AMZ1: variants seen among roughly 807,000 people sequenced by gnomAD.
The protein encoded by AMZ1 is archaelysin family metallopeptidase 1.
A neutral mutation model predicts 29.9 loss-of-function variants in AMZ1; 39 were observed. That is an observed-to-expected ratio of 1.30 (90% CI 1.01 to 1.70). The LOEUF (loss-of-function observed/expected upper bound fraction) is 1.70, where lower values mean the gene tolerates loss of function less well. AMZ1 is among the 40% of genes most tolerant of loss of function. AMZ1 has a pLI of 0.00. For missense variants in AMZ1, 1,041 were observed against 680.6 expected, an observed-to-expected ratio of 1.53 and a Z score of -5.89; for synonymous variants, 458 against 304.0, an observed-to-expected ratio of 1.51 and a Z score of -5.27.
intron 4 of AMZ1, among the ~76,000 whole-genome samples, chr7:2,757,290 A>T (rs1583245998): frequency 6.6e-6 from 1 of 151,496 alleles, no homozygotes; most frequent in South Asian, 2.1e-4. Flanking sequence ...GCCCGCCACC[A>T]TGCCCGGCTA....
chr7:2,735,347 A>T (rs554935590), intron 4 of AMZ1, among the ~76,000 whole-genome samples: 2 of 152,320 alleles, frequency 1.3e-5, no homozygotes, highest in South Asian at 4.1e-4. Context: ...GCACGAAGGA[A>T]GCAGAGGCAG....
intron 1 of AMZ1, among the ~76,000 whole-genome samples, chr7:2,690,509 G>A (rs183441658): frequency 2.0e-5 from 3 of 152,316 alleles, no homozygotes; most frequent in African/African-American, 7.2e-5. Flanking sequence ...ACATCCTGTT[G>A]ATCTTCCAGC....
At chr7:2,763,826 A>G (rs1048291261), upstream of AMZ1, among the ~76,000 whole-genome samples, 50 of 152,202 alleles carry the variant, frequency 3.3e-4, no homozygotes, top group African/African-American at 1.2e-3. Context: ...GGACCTCTGC[A>G]CTGAGATCCC....
At chr7:2,703,026 G>A (rs1788151627) in intron 3 of AMZ1, 137 bp downstream of exon 3, 2 of 1,283,910 alleles carry the variant, frequency 1.6e-6, no homozygotes, top group Non-Finnish European at 1.0e-6. Flanking sequence ...CAGGTGTTTG[G>A]GAAGCAGGAC....
intron 4 of AMZ1, among the ~76,000 whole-genome samples, chr7:2,725,134 GA>G (rs1363670179): frequency 2.4e-4 from 37 of 152,228 alleles, no homozygotes; most frequent in Non-Finnish European, 5.9e-5. Context: ...CTGTGAATGG[GA>G]AATTCAAACA....
chr7:2,720,732 G>A (rs1789385167), downstream of AMZ1, among the ~76,000 whole-genome samples: 1 of 151,722 alleles, frequency 6.6e-6, no homozygotes, highest in South Asian at 2.1e-4. Flanking sequence ...TAGATACAGG[G>A]GTCTTGCTAT....
At chr7:2,732,146 T>A (rs1323847314) in intron 4 of AMZ1, among the ~76,000 whole-genome samples, 1 of 152,248 alleles carries the variant, frequency 6.6e-6, no homozygotes, top group Non-Finnish European at 1.5e-5. Context: ...AGGTTTTGAA[T>A]GTGATGTAAA....
intron 4 of AMZ1, among the ~76,000 whole-genome samples, chr7:2,759,136 T>A (rs1791436582): frequency 7.2e-6 from 1 of 138,678 alleles, no homozygotes; most frequent in Non-Finnish European, 1.6e-5. Context: ...CAAAACACTG[T>A]CTCAAAATAA....
intron 4 of AMZ1, among the ~76,000 whole-genome samples, chr7:2,736,096 G>T (rs544957874): frequency 6.6e-6 from 1 of 152,288 alleles, no homozygotes; most frequent in Admixed American, 6.5e-5. Context: ...TCATTAAAAG[G>T]GCCAGGTTTA....
intron 4 of AMZ1, among the ~76,000 whole-genome samples, chr7:2,743,416 A>G (rs1017698950): frequency 6.6e-6 from 1 of 152,354 alleles, no homozygotes; most frequent in Admixed American, 6.5e-5. Context: ...GGCAAAAACA[A>G]TCAGAAGTTA....
intron 3 of AMZ1, among the ~76,000 whole-genome samples, chr7:2,705,048 TCA>T (rs1465057931): frequency 6.6e-6 from 1 of 152,266 alleles, no homozygotes; most frequent in Non-Finnish European, 1.5e-5. Context: ...TAATTTTGTC[TCA>T]GTTATCCTGC....
intron 4 of AMZ1, among the ~76,000 whole-genome samples, chr7:2,751,156 G>A (rs2115361505): frequency 6.6e-6 from 1 of 152,244 alleles, no homozygotes; most frequent in South Asian, 2.1e-4. Flanking sequence ...AGGAGGCTGA[G>A]GCAGGTGGAC....
chr7:2,754,367 T>C (rs1199537676), intron 4 of AMZ1, among the ~76,000 whole-genome samples: 1 of 152,176 alleles, frequency 6.6e-6, no homozygotes, highest in Non-Finnish European at 1.5e-5. Context: ...AGTTCTGTTT[T>C]CTAGATAATG....
chr7:2,748,047 G>A (rs1241461925), intron 4 of AMZ1, among the ~76,000 whole-genome samples: 2 of 150,460 alleles, frequency 1.3e-5, no homozygotes, highest in Middle Eastern at 3.2e-3. Flanking sequence ...ATGCTCATGG[G>A]TAGGAAGAAT....
chr7:2,706,053 G>T (rs1443520642), intron 3 of AMZ1, among the ~76,000 whole-genome samples: 1 of 152,250 alleles, frequency 6.6e-6, no homozygotes, highest in Non-Finnish European at 1.5e-5. Flanking sequence ...GTTTTCCCCA[G>T]CCCCACACTT....
intron 4 of AMZ1, among the ~76,000 whole-genome samples, chr7:2,736,803 G>A (rs114622776): frequency 0.011 from 1,664 of 152,320 alleles, 33 homozygotes; most frequent in African/African-American, 0.038. Flanking sequence ...CAGCAGCCTC[G>A]CCCGTCACCT....
chr7:2,750,135 G>A (rs184516196), intron 4 of AMZ1, among the ~76,000 whole-genome samples: 79 of 152,292 alleles, frequency 5.2e-4, no homozygotes, highest in South Asian at 1.7e-3. Flanking sequence ...GGTCAAAGAA[G>A]TCAGACTCTC....
At chr7:2,722,595 A>T (rs1789469154), downstream of AMZ1, among the ~76,000 whole-genome samples, 1 of 152,230 alleles carries the variant, frequency 6.6e-6, no homozygotes, top group South Asian at 2.1e-4. Flanking sequence ...GTTTTAAACC[A>T]ATTTGCCTGA....
chr7:2,757,631 C>T (rs557982373), intron 4 of AMZ1, among the ~76,000 whole-genome samples: 1 of 152,324 alleles, frequency 6.6e-6, no homozygotes, highest in Admixed American at 6.5e-5. Context: ...GACCCAAGCA[C>T]ATTGGGAGAT....
Sources: gnomAD v4.1 joint callset for allele counts (sites outside exome capture counted in the v4.1 genomes callset) on GRCh38, gnomAD v4.1.1 for gene constraint, MANE v1.5 for transcripts, NCBI Gene and HGNC (gene_info 2026-07-23, HGNC 2026-07-21) for gene names.